CTNNA1: variants seen among roughly 807,000 people sequenced by gnomAD.
The protein encoded by CTNNA1 is catenin alpha 1.
A neutral mutation model predicts 98.4 loss-of-function variants in CTNNA1; 37 were observed. The ratio of observed to expected loss-of-function variants is 0.38; its 90% confidence interval spans 0.29 to 0.49. The LOEUF is 0.49. Ranked by LOEUF, CTNNA1 falls within the 20% of genes least tolerant of loss-of-function variation. CTNNA1 has a pLI of 0.95. For missense variants in CTNNA1, 761 were observed against 1,147.2 expected (o/e 0.66, Z 4.86); for synonymous variants, 404 against 413.2 (o/e 0.98, Z 0.27).
chr5:138,806,728 A>G (rs919514104), intron 3 of CTNNA1, among the ~76,000 whole-genome samples: 2 of 152,058 alleles, frequency 1.3e-5, no homozygotes, highest in East Asian at 3.8e-4. Flanking sequence ...CAGACTAGAT[A>G]TTATGCCTCT....
At chr5:138,912,949 A>G (rs1760964096) in intron 10 of CTNNA1, among the ~76,000 whole-genome samples, 1 of 152,174 alleles carries the variant, frequency 6.6e-6, no homozygotes, top group South Asian at 2.1e-4. Flanking sequence ...AATTGAATTT[A>G]TAGGTTGACG....
At chr5:138,898,621 A>G (rs137902232) in intron 9 of CTNNA1, among the ~76,000 whole-genome samples, 4 of 150,996 alleles carry the variant, frequency 2.6e-5, no homozygotes, top group African/African-American at 9.7e-5. Context: ...AAAAAAAGTT[A>G]TCCTAAAGCT....
At chr5:138,828,866 G>A (rs1760984491) in intron 7 of CTNNA1, among the ~76,000 whole-genome samples, 1 of 152,224 alleles carries the variant, frequency 6.6e-6, no homozygotes, top group South Asian at 2.1e-4. Flanking sequence ...GTTCAAGCCT[G>A]TAGTCCCAGC....
chr5:138,824,945 C>A, intron 6 of CTNNA1, 146 bp downstream of exon 6: 1 of 747,488 alleles, frequency 1.3e-6, no homozygotes, highest in South Asian at 1.9e-5. Flanking sequence ...TATGAATCAT[C>A]AGTCTACTTG....
intron 4 of CTNNA1, among the ~76,000 whole-genome samples, chr5:138,811,012 G>A (rs1201423522): frequency 1.3e-5 from 2 of 150,684 alleles, no homozygotes; most frequent in African/African-American, 2.4e-5. Context: ...CTGGCCTGGC[G>A]GGGGCTGACC....
intron 4 of CTNNA1, chr5:138,811,812 G>A (rs1384001015): frequency 2.2e-5 from 4 of 178,426 alleles, no homozygotes; most frequent in South Asian, 2.4e-4. Flanking sequence ...GCAGGCACTC[G>A]GCAGGCTGAG....
chr5:138,828,602 T>G (rs1387275276), intron 7 of CTNNA1, among the ~76,000 whole-genome samples: 1 of 152,190 alleles, frequency 6.6e-6, no homozygotes, highest in African/African-American at 2.4e-5. Context: ...CAACACAAAT[T>G]AGTTGTCATC....
chr5:138,877,905 G>A (rs1373072802), intron 7 of CTNNA1, among the ~76,000 whole-genome samples: 1 of 152,140 alleles, frequency 6.6e-6, no homozygotes, highest in Non-Finnish European at 1.5e-5. Context: ...AAGCATTTTA[G>A]TCAGTTGGAT....
intron 11 of CTNNA1, among the ~76,000 whole-genome samples, chr5:138,919,836 C>T (rs1010522504): frequency 1.3e-5 from 2 of 152,144 alleles, no homozygotes; most frequent in African/African-American, 4.8e-5. Context: ...CTTCATAACT[C>T]CTCTGATTTA....
chr5:138,758,210 ATT>A (rs1014959018), intron 1 of CTNNA1, among the ~76,000 whole-genome samples: 2 of 142,246 alleles, frequency 1.4e-5, no homozygotes, highest in Admixed American at 1.4e-4. Flanking sequence ...ATTTATTTTT[ATT>A]TTTTTTTGAG....
Position 138,856,596 on chromosome 5 carries a change from A to G in CTNNA1, c.1062+28878A>G, listed in dbSNP as rs1033194489. Among the ~76,000 whole-genome samples the G allele has an allele frequency of 4.6e-4, 70 of 151,814 alleles. 1 individual carries two copies. Among genetic ancestry groups the G allele is most frequent in the Middle Eastern group, 6.8e-3 (2 of 294 alleles). ...GCCTCAAATGATCCTCCTGTGTTGG[A>G]CTCCCAAAGGGCTGGTATTACAGAC... On this transcript the variant is annotated intron_variant, in intron 7 of 17. Transcript: ENST00000302763.
At chr5:138,850,601 A>G (rs555975467) in intron 7 of CTNNA1, among the ~76,000 whole-genome samples, 2 of 152,240 alleles carry the variant, frequency 1.3e-5, no homozygotes, top group Admixed American at 1.3e-4. Context: ...TACTTCATTA[A>G]TTTATTTTTC....
intron 10 of CTNNA1, among the ~76,000 whole-genome samples, chr5:138,914,768 C>T (rs1761368816): frequency 6.6e-6 from 1 of 152,114 alleles, no homozygotes; most frequent in South Asian, 2.1e-4. Context: ...GACTCCTCCA[C>T]TCAGGGCTGC....
rs1580948451 is a variant in CTNNA1, at chr5:138,934,149, C to T, written c.*60C>T. On this transcript the variant is annotated 3_prime_UTR_variant, in exon 18 of 18. Coordinates refer to ENST00000302763, the MANE Select transcript of CTNNA1 (RefSeq NM_001903.5). ...CTCCTGAATATCAGTCACTGTTCGT[C>T]ACTCAAATGAATTTGCTAAATACAA... 7.6e-7 allele frequency: 1 copy of T among 1,324,322 alleles called. No individual in the cohort carries two copies. The highest frequency in any genetic ancestry group is 1.1e-6 in the Non-Finnish European group (1 of 946,352). The allele number at this position is 1,324,322 out of a possible 1,614,324, so 82.0% of individuals were successfully genotyped here.
chr5:138,861,508 C>T (rs1487556689), intron 7 of CTNNA1, among the ~76,000 whole-genome samples: 1 of 152,208 alleles, frequency 6.6e-6, no homozygotes, highest in Non-Finnish European at 1.5e-5. Flanking sequence ...TGAAAGATTA[C>T]TGCCTATTCT....
chr5:138,779,297 C>G (rs1754768924), intron 1 of CTNNA1, among the ~76,000 whole-genome samples: 1 of 152,122 alleles, frequency 6.6e-6, no homozygotes, highest in Non-Finnish European at 1.5e-5. Context: ...TAAAGAAATT[C>G]CCTCCCCATA....
chr5:138,838,810 T>G (rs1055757246), intron 7 of CTNNA1, among the ~76,000 whole-genome samples: 1 of 152,170 alleles, frequency 6.6e-6, no homozygotes, highest in Non-Finnish European at 1.5e-5. Context: ...TTTGTTTGTT[T>G]TTAAGAGATC....
intron 7 of CTNNA1, among the ~76,000 whole-genome samples, chr5:138,840,126 G>A (rs1475433088): frequency 6.6e-6 from 1 of 152,156 alleles, no homozygotes; most frequent in Non-Finnish European, 1.5e-5. Context: ...GGGATATAAT[G>A]GGTGGTGTTA....
At chr5:138,837,063 T>C (rs536341108) in intron 7 of CTNNA1, among the ~76,000 whole-genome samples, 51 of 152,290 alleles carry the variant, frequency 3.3e-4, no homozygotes, top group Admixed American at 5.2e-4. Flanking sequence ...TTTCACACAT[T>C]AATATGTTGA....
Sources: gnomAD v4.1 joint callset for allele counts (sites outside exome capture counted in the v4.1 genomes callset) on GRCh38, gnomAD v4.1.1 for gene constraint, MANE v1.5 for transcripts, NCBI Gene and HGNC (gene_info 2026-07-23, HGNC 2026-07-21) for gene names.